The following ZNF407 variants were observed in gnomAD, a reference collection of about 807,000 sequenced individuals.
ZNF407 encodes the protein zinc finger protein 407.
Under a neutral mutation model 131.2 loss-of-function variants are expected in ZNF407, and 17 were observed. The observed-to-expected ratio is 0.13, with a 90% CI of 0.09 to 0.19. The LOEUF (loss-of-function observed/expected upper bound fraction) is 0.19, where lower values mean the gene tolerates loss of function less well. Among genes scored for constraint, ZNF407 ranks in the 10% least tolerant of loss-of-function variants. The pLI, the probability that ZNF407 is intolerant of heterozygous loss-of-function variation, is 1.00. For missense variants in ZNF407, 2,681 were observed against 2,830.6 expected (o/e 0.95, Z 1.20); for synonymous variants, 1,156 against 1,062.0 (o/e 1.09, Z -1.72).
chr18:74,890,450 T>A (rs548446019), intron 7 of ZNF407, among the ~76,000 whole-genome samples: 22 of 152,364 alleles, frequency 1.4e-4, no homozygotes, highest in African/African-American at 4.3e-4. Context: ...GCCATTATAA[T>A]ATCATGCATA....
intron 8 of ZNF407, among the ~76,000 whole-genome samples, chr18:74,996,492 G>T (rs1177035347): frequency 1.3e-5 from 2 of 152,218 alleles, no homozygotes; most frequent in Non-Finnish European, 2.9e-5. Context: ...GTCAGGAGGT[G>T]AACGGCAATA....
rs748762001 is a variant in ZNF407, at chr18:75,063,569, G to A, written c.5848G>A (p.Gly1950Ser). Residue 1950 changes from glycine to serine, a missense_variant, in exon 9 of 9, where the codon GGC (glycine) becomes AGC (serine). Gly to Ser is a moderately conservative substitution (Grantham distance 56). This residue lies in a region of ZNF407 where 620 missense variants were observed against 583.1 expected (regional missense o/e 1.06). Coordinates refer to ENST00000299687, the MANE Select transcript of ZNF407 (RefSeq NM_017757.3). This position sits in a 1 kb window ranked among gnomAD's most constrained non-coding sequence, Gnocchi z 6.6. ...GGTCGTCGTGGGGGGCTCCATGGAA[G>A]GCCACGGCATGGATGAGTCCCTCAG... ...QVVVVGGSME[G>S]HGMDESLSPG... 6.4e-7 allele frequency: 1 copy of A among 1,567,290 alleles called. No individual in the cohort carries two copies. Among genetic ancestry groups the A allele is most frequent in the South Asian group, 1.2e-5 (1 of 85,636 alleles).
At position 74,632,361 on chromosome 18, in the gene ZNF407, G is replaced by A. The variant is rs1200840840; in HGVS notation, c.1342G>A (p.Gly448Arg). The change falls in exon 2 of 9, where the codon GGA becomes AGA. Residue 448 changes from glycine to arginine, a missense_variant. Transcript: ENST00000299687. The part of the protein sequence containing the change: ...GQAKKRFNLL[G>R]IKRGTSETQR... Reference sequence around the variant, plus strand: ...GGCAAAGAAAAGGTTTAATCTTTTAGGAATTAAAAGAGGTACAAGTGAAAC... The same window carrying A: ...GGCAAAGAAAAGGTTTAATCTTTTAAGAATTAAAAGAGGTACAAGTGAAAC... 8 of 1,613,996 alleles carry A rather than the reference G, an allele frequency of 5.0e-6. No homozygotes were observed. Among genetic ancestry groups the A allele is most frequent in the Non-Finnish European group, 6.8e-6 (8 of 1,179,894 alleles).
intron 6 of ZNF407, among the ~76,000 whole-genome samples, chr18:74,885,949 A>G (rs1255566956): frequency 6.6e-6 from 1 of 152,216 alleles, no homozygotes; most frequent in Non-Finnish European, 1.5e-5. Context: ...TTTATAAAAT[A>G]AAAAATAACC....
At chr18:75,028,002 G>A (rs1267171772) in intron 8 of ZNF407, among the ~76,000 whole-genome samples, 7 of 152,212 alleles carry the variant, frequency 4.6e-5, no homozygotes, top group South Asian at 2.1e-4. Context: ...TAGCAGAGAC[G>A]TGATGAGCAG....
At chr18:74,906,992 A>G (rs1474822299) in intron 7 of ZNF407, among the ~76,000 whole-genome samples, 2 of 152,224 alleles carry the variant, frequency 1.3e-5, no homozygotes, top group African/African-American at 2.4e-5. Context: ...TTATGTGTAT[A>G]TGTATAAATC....
intron 7 of ZNF407, 122 bp from the exon 8 acceptor site, chr18:74,920,392 A>G (rs1971830852): frequency 7.1e-6 from 5 of 702,572 alleles, no homozygotes; most frequent in Middle Eastern, 4.4e-4. Flanking sequence ...TAATTATTAT[A>G]TGAGTACAGC....
chr18:75,062,976 G>A, intron 8 of ZNF407, 174 bp from the exon 9 acceptor site: 4 of 572,922 alleles, frequency 7.0e-6, no homozygotes, highest in Non-Finnish European at 3.1e-6. Context: ...GCCTGCAGAT[G>A]CCCACGGAGG....
At chr18:75,022,756 G>C (rs1488930699) in intron 8 of ZNF407, among the ~76,000 whole-genome samples, 3 of 152,166 alleles carry the variant, frequency 2.0e-5, no homozygotes, top group Non-Finnish European at 4.4e-5. Flanking sequence ...TTCAACCACT[G>C]TGGAAGACAG....
chr18:74,786,441 T>C (rs1453897066), intron 4 of ZNF407, among the ~76,000 whole-genome samples: 1 of 152,138 alleles, frequency 6.6e-6, no homozygotes, highest in Non-Finnish European at 1.5e-5. Context: ...ATTTCTTATT[T>C]TTTTTCCATA....
intron 4 of ZNF407, among the ~76,000 whole-genome samples, chr18:74,853,571 A>G (rs1025614055): frequency 3.3e-5 from 5 of 152,204 alleles, no homozygotes; most frequent in African/African-American, 1.2e-4. Context: ...AGAATTTAAT[A>G]TGCCTGTGAT....
intron 8 of ZNF407, among the ~76,000 whole-genome samples, chr18:75,053,589 G>A (rs1973527006): frequency 6.6e-6 from 1 of 152,162 alleles, no homozygotes; most frequent in Non-Finnish European, 1.5e-5. Flanking sequence ...ATGTTATTCT[G>A]TAGAGCCCAA....
intron 8 of ZNF407, among the ~76,000 whole-genome samples, chr18:75,024,565 A>G (rs1300374079): frequency 6.6e-6 from 1 of 152,156 alleles, no homozygotes; most frequent in Non-Finnish European, 1.5e-5. Flanking sequence ...TCAACTAGTA[A>G]TTCTGAAAAT....
intron 8 of ZNF407, among the ~76,000 whole-genome samples, chr18:75,033,963 A>G (rs1360314787): frequency 6.6e-6 from 1 of 152,176 alleles, no homozygotes. Flanking sequence ...TATTTTCTTC[A>G]TATTTATCTA....
intron 8 of ZNF407, among the ~76,000 whole-genome samples, chr18:75,015,079 A>G (rs1300652094): frequency 1.3e-5 from 2 of 152,058 alleles, no homozygotes; most frequent in Non-Finnish European, 1.5e-5. Flanking sequence ...GGAGACTACT[A>G]ATGTTTGCCT....
chr18:74,644,073 T>TA (rs1394104640), intron 3 of ZNF407, among the ~76,000 whole-genome samples: 1 of 151,956 alleles, frequency 6.6e-6, no homozygotes, highest in Non-Finnish European at 1.5e-5. Context: ...CATGTCATGG[T>TA]AAAAATTTCA....
chr18:74,827,155 G>A (rs954960377), intron 4 of ZNF407, among the ~76,000 whole-genome samples: 2 of 152,196 alleles, frequency 1.3e-5, no homozygotes, highest in African/African-American at 4.8e-5. Flanking sequence ...AATGTCCCTC[G>A]GTTTGGATTG....
At chr18:74,759,521 CCT>C (rs1392837869) in intron 3 of ZNF407, among the ~76,000 whole-genome samples, 1 of 151,608 alleles carries the variant, frequency 6.6e-6, no homozygotes, top group Admixed American at 6.6e-5. Flanking sequence ...TCCTCTTCCC[CCT>C]CTTTCTTCTT....
At chr18:74,838,833 T>C (rs998729415) in intron 4 of ZNF407, among the ~76,000 whole-genome samples, 39 of 152,198 alleles carry the variant, frequency 2.6e-4, no homozygotes, top group African/African-American at 8.2e-4. Flanking sequence ...AAAATGGAGA[T>C]CTTTTAGATG....
Sources: allele counts gnomAD v4.1 joint callset (sites outside exome capture counted in the v4.1 genomes callset), GRCh38; gene constraint gnomAD v4.1.1; regional missense constraint gnomAD v4.1.1; non-coding constraint Gnocchi (gnomAD v3.1); transcripts MANE v1.5; gene names NCBI Gene and HGNC (gene_info 2026-07-23, HGNC 2026-07-21).